The following OTOP2 variants were observed in gnomAD, a reference collection of about 807,000 sequenced individuals.
OTOP2 encodes otopetrin 2.
In OTOP2, 41 loss-of-function variants were observed where a neutral mutation model predicts 47.4. The ratio of observed to expected loss-of-function variants is 0.87; its 90% confidence interval spans 0.67 to 1.12. The LOEUF (loss-of-function observed/expected upper bound fraction) is 1.12, where lower values mean the gene tolerates loss of function less well. Among genes scored for constraint, OTOP2 ranks in the 50% most tolerant of loss-of-function variants. The probability of loss-of-function intolerance (pLI) is 0.00; values close to 1 mark genes in which losing one functional copy is unlikely to be tolerated. For missense variants in OTOP2, 721 were observed against 752.2 expected, an observed-to-expected ratio of 0.96 and a Z score of 0.49; for synonymous variants, 328 against 319.6, an observed-to-expected ratio of 1.03 and a Z score of -0.28.
At chr17:74,929,359 A>G (rs1259247565) in intron 5 of OTOP2, among the ~76,000 whole-genome samples, 1 of 152,096 alleles carries the variant, frequency 6.6e-6, no homozygotes. Flanking sequence ...GCAGAAAGGG[A>G]TGGAAGGAAT....
intron 5 of OTOP2, chr17:74,928,163 T>C (rs1018712727): frequency 1.6e-5 from 3 of 183,426 alleles, no homozygotes; most frequent in Admixed American, 6.1e-5. Flanking sequence ...GGCCAAATGA[T>C]GAAACCCCGT....
chr17:74,925,830 G>C (rs904710385), intron 3 of OTOP2, 138 bp downstream of exon 3: 56 of 1,295,136 alleles, frequency 4.3e-5, no homozygotes, highest in Middle Eastern at 2.2e-4. Context: ...CAGGGCTGTA[G>C]AGAGCATCAC....
At chr17:74,926,365 C>G (rs2039008226) in intron 3 of OTOP2, among the ~76,000 whole-genome samples, 1 of 152,102 alleles carries the variant, frequency 6.6e-6, no homozygotes, top group South Asian at 2.1e-4. Flanking sequence ...GAAGAATACT[C>G]AGGTAAAATG....
chr17:74,925,455 C>A (rs2038998570), intron 2 of OTOP2, 101 bp from the exon 3 acceptor site: 1 of 1,492,528 alleles, frequency 6.7e-7, no homozygotes. Flanking sequence ...CATCCACCCA[C>A]CCATCTAGCC....
chr17:74,924,677 G>T lies in OTOP2; in HGVS notation c.45G>T (p.Ala15=). The T allele has an allele frequency of 6.3e-7, 1 of 1,595,800 alleles. No homozygotes were observed. The highest frequency in any genetic ancestry group is 8.5e-7 in the Non-Finnish European group (1 of 1,174,148). The part of the protein sequence containing the change: ...LAQGPKESPP[A]PRAGPREVWK... ...AGGGCCCCAAGGAGAGCCCCCCGGC[G>T]CCGCGTGCGGGCCCCAGGGAGGTGT... is the stretch of plus-strand genomic sequence containing the variant. The change falls in exon 2 of 7, where the codon GCG becomes GCT. Residue 15 remains alanine, a synonymous_variant. Transcript: ENST00000331427. This position sits in a 1 kb window ranked among gnomAD's most constrained non-coding sequence, Gnocchi z 7.7.
In OTOP2 at chr17:74,924,807, G is replaced by T; in HGVS notation, c.175G>T (p.Asp59Tyr). The T allele has an allele frequency of 6.2e-7, 1 of 1,611,820 alleles. No individual in the cohort carries two copies. Among genetic ancestry groups the T allele is most frequent in the Non-Finnish European group, 8.5e-7 (1 of 1,179,268 alleles). ...AGCCTTCAACAAGGTGGCCGTGTAC[G>T]ACACCGACGTGTTCGCGCTGCTCAC... is the stretch of plus-strand genomic sequence containing the variant. ...GGAFNKVAVY[D>Y]TDVFALLTAM... The change falls in exon 2 of 7, where the codon GAC becomes TAC. Residue 59 changes from aspartate to tyrosine, a missense_variant. Physicochemically the swap from Asp to Tyr is radical, Grantham distance 160. Transcript: ENST00000331427. The surrounding 1 kb of genome is among the most constrained non-coding windows in gnomAD (Gnocchi z 7.7).
intron 2 of OTOP2, 152 bp from the exon 3 acceptor site, chr17:74,925,404 C>T: frequency 2.1e-6 from 2 of 962,448 alleles, no homozygotes; most frequent in South Asian, 3.3e-5. Context: ...CCTGTCCTCC[C>T]ACCCTCCCCA....
Position 74,930,948 on chromosome 17 carries a change from A to C in OTOP2, c.1313A>C (p.His438Pro), listed in dbSNP as rs1482375997. The C allele has an allele frequency of 1.2e-6, 2 of 1,613,542 alleles. No individual in the cohort carries two copies. The highest frequency in any genetic ancestry group is 1.7e-6 in the Non-Finnish European group (2 of 1,179,882). ...CCCGGGGCTGAGCCTCACAGTACCC[A>C]CCCCAAGGAGCCCTGCCAAGACCTC... The part of the protein sequence containing the change: ...GPPGAEPHST[H>P]PKEPCQDLTF... The change falls in exon 6 of 7, where the codon CAC becomes CCC. Residue 438 changes from histidine to proline, a missense_variant. Transcript: ENST00000331427. The surrounding 1 kb of genome is among the most constrained non-coding windows in gnomAD (Gnocchi z 4.0).
chr17:74,927,161 G>T, intron 3 of OTOP2, 62 bp from the exon 4 acceptor site: 1 of 1,421,760 alleles, frequency 7.0e-7, no homozygotes, highest in Non-Finnish European at 1.0e-6. Context: ...CATGGACTTG[G>T]GTGCGCTGGA....
intron 6 of OTOP2, among the ~76,000 whole-genome samples, chr17:74,931,821 T>C (rs539819044): frequency 6.6e-6 from 1 of 152,142 alleles, no homozygotes; most frequent in South Asian, 2.1e-4. Flanking sequence ...GGCGTGGTAG[T>C]GTGCGCACCC....
At position 74,930,250 on chromosome 17, in the gene OTOP2, G is replaced by A; in HGVS notation, c.644-29G>A. The A allele has an allele frequency of 6.3e-7, 1 of 1,592,728 alleles. No homozygotes were observed. The highest frequency in any genetic ancestry group is 8.6e-7 in the Non-Finnish European group (1 of 1,164,788). ...ACCTCTCTAGGAAGGCAGGAGGGCT[G>A]TCCAGCCCTGTGTCTCTCTCCACAA... is the stretch of plus-strand genomic sequence containing the variant. On this transcript the variant is annotated intron_variant, in intron 5 of 6. Coordinates refer to ENST00000331427, the MANE Select transcript of OTOP2 (RefSeq NM_178160.3). This position sits in a 1 kb window ranked among gnomAD's most constrained non-coding sequence, Gnocchi z 4.0.
chr17:74,927,482 G>A (rs1020472875), intron 4 of OTOP2, 183 bp from the exon 5 acceptor site: 132 of 1,046,574 alleles, frequency 1.3e-4, no homozygotes, highest in Non-Finnish European at 1.4e-4. Context: ...GGTGGCCCCC[G>A]GGAAAACCTC....
In OTOP2 at chr17:74,930,054, G is replaced by A. The variant is rs557170557; in HGVS notation, c.644-225G>A. 6.6e-6 allele frequency among the ~76,000 whole-genome samples: 1 copy of A among 152,274 alleles called. No homozygotes were observed. Among genetic ancestry groups the A allele is most frequent in the East Asian group, 1.9e-4 (1 of 5,154 alleles). ...AAAAATTAGCCAGGTGTGATGACAGGTGCCTGTAATCCCAGCTACTTGGGA... is the reference window on the plus strand; with the variant it reads ...AAAAATTAGCCAGGTGTGATGACAGATGCCTGTAATCCCAGCTACTTGGGA... On this transcript the variant is annotated intron_variant, in intron 5 of 6. Coordinates refer to ENST00000331427, the MANE Select transcript of OTOP2 (RefSeq NM_178160.3). This position sits in a 1 kb window ranked among gnomAD's most constrained non-coding sequence, Gnocchi z 4.0.
Position 74,930,543 on chromosome 17 carries a change from G to C in OTOP2, c.908G>C (p.Gly303Ala), listed in dbSNP as rs767344732. 1 of 1,613,092 alleles carries C rather than the reference G, an allele frequency of 6.2e-7. No homozygotes were observed. The highest frequency in any genetic ancestry group is 1.3e-5 in the African/African-American group (1 of 74,898). Reference protein sequence around the residue: ...PVLGLLLFVVGLAVFIIYEVQ... With the variant: ...PVLGLLLFVVALAVFIIYEVQ... ...CTGGGCCTGCTGCTCTTCGTGGTGG[G>C]GCTGGCTGTCTTCATCATCTACGAG... Residue 303 changes from glycine (G) to alanine (A), a missense_variant, in exon 6 of 7, where the codon GGG (glycine) becomes GCG (alanine). By Grantham distance (60) the Gly-to-Ala change is moderately conservative. Coordinates refer to ENST00000331427, the MANE Select transcript of OTOP2 (RefSeq NM_178160.3). This position sits in a 1 kb window ranked among gnomAD's most constrained non-coding sequence, Gnocchi z 4.0.
chr17:74,930,534 T>C lies in OTOP2; in HGVS notation c.899T>C (p.Phe300Ser). Reference sequence around the variant, plus strand: ...GGCCCGGTTCTGGGCCTGCTGCTCTTCGTGGTGGGGCTGGCTGTCTTCATC... The same window carrying C: ...GGCCCGGTTCTGGGCCTGCTGCTCTCCGTGGTGGGGCTGGCTGTCTTCATC... ...FAGPVLGLLL[F>S]VVGLAVFIIY... Residue 300 changes from phenylalanine to serine, a missense_variant, in exon 6 of 7, where the codon TTC (phenylalanine) becomes TCC (serine). Coordinates refer to ENST00000331427, the MANE Select transcript of OTOP2 (RefSeq NM_178160.3). The surrounding 1 kb of genome is among the most constrained non-coding windows in gnomAD (Gnocchi z 4.0). 1 of 1,612,940 alleles carries C rather than the reference T, an allele frequency of 6.2e-7. No individual in the cohort carries two copies. Among genetic ancestry groups the C allele is most frequent in the Non-Finnish European group, 8.5e-7 (1 of 1,179,024 alleles).
At position 74,927,293 on chromosome 17, in the gene OTOP2, A is replaced by T; in HGVS notation, c.509+12A>T. Reference sequence around the variant, plus strand: ...CTGGATCTGACCTGGTGAGAACTGCAGCTCGATGCCTGTACCCAGCGTGCT... The same window carrying T: ...CTGGATCTGACCTGGTGAGAACTGCTGCTCGATGCCTGTACCCAGCGTGCT... On this transcript the variant is annotated intron_variant, in intron 4 of 6. Transcript: ENST00000331427. 6.2e-7 allele frequency: 1 copy of T among 1,609,890 alleles called. No homozygotes were observed. The highest frequency in any genetic ancestry group is 8.5e-7 in the Non-Finnish European group (1 of 1,176,524).
At chr17:74,925,447 TCCAC>T in intron 2 of OTOP2, 105 bp from the exon 3 acceptor site, 1 of 1,342,256 alleles carries the variant, frequency 7.5e-7, no homozygotes, top group Non-Finnish European at 1.0e-6. Context: ...CACTCACCCA[TCCAC>T]CCACCCATCT....
chr17:74,927,850 G>A (rs2039023860), intron 5 of OTOP2, 52 bp downstream of exon 5: 1 of 1,590,034 alleles, frequency 6.3e-7, no homozygotes, highest in Non-Finnish European at 8.6e-7. Flanking sequence ...TGGGCCGGGT[G>A]CTTTGTGAAT....
chr17:74,930,910 T>G lies in OTOP2; in HGVS notation c.1275T>G (p.Leu425=). The G allele has an allele frequency of 6.2e-7, 1 of 1,613,976 alleles. No individual in the cohort carries two copies. The highest frequency in any genetic ancestry group is 8.5e-7 in the Non-Finnish European group (1 of 1,180,004). The change falls in exon 6 of 7, where the codon CTT becomes CTG. Residue 425 remains leucine, a synonymous_variant. Transcript: ENST00000331427. This position sits in a 1 kb window ranked among gnomAD's most constrained non-coding sequence, Gnocchi z 4.0. ...AGAACATGTTTATCATCGAGAGCCT[T>G]CACCGAGGACCGCCCGGGGCTGAGC... ...TFQNMFIIES[L]HRGPPGAEPH...
Sources: gnomAD v4.1 joint callset for allele counts (sites outside exome capture counted in the v4.1 genomes callset) on GRCh38, gnomAD v4.1.1 for gene constraint, Gnocchi (gnomAD v3.1) non-coding constraint, MANE v1.5 for transcripts, NCBI Gene and HGNC (gene_info 2026-07-23, HGNC 2026-07-21) for gene names.